The following MTMR2 variants were observed in gnomAD, a reference collection of about 807,000 sequenced individuals.
MTMR2 encodes phosphatidylinositol-3,5-bisphosphate 3-phosphatase MTMR2.
A neutral mutation model predicts 86.9 loss-of-function variants in MTMR2; 55 were observed. The observed-to-expected ratio is 0.63, with a 90% CI of 0.51 to 0.79. The LOEUF (loss-of-function observed/expected upper bound fraction) is 0.79. Among genes scored for constraint, MTMR2 ranks in the 30% least tolerant of loss-of-function variants. The pLI, the probability that MTMR2 is intolerant of heterozygous loss-of-function variation, is 0.00. For synonymous variants in MTMR2, 241 were observed against 266.8 expected (o/e 0.90, Z 0.94); for missense variants, 659 against 772.3 (o/e 0.85, Z 1.74).
At chr11:95,854,849 TC>T (rs1864152277) in intron 7 of MTMR2, among the ~76,000 whole-genome samples, 1 of 150,588 alleles carries the variant, frequency 6.6e-6, no homozygotes, top group African/African-American at 2.4e-5. Context: ...CACTCTGTCA[TC>T]CAGGCTGGAG....
intron 11 of MTMR2, 102 bp downstream of exon 11, chr11:95,844,851 T>C (rs1418899744): frequency 9.3e-7 from 1 of 1,071,234 alleles, no homozygotes; most frequent in Non-Finnish European, 1.4e-6. Flanking sequence ...ACTAGATAAA[T>C]GATCAATTTC....
intron 7 of MTMR2, 49 bp downstream of exon 7, chr11:95,857,503 A>G (rs1258532263): frequency 1.2e-5 from 17 of 1,372,238 alleles, no homozygotes; most frequent in Non-Finnish European, 1.8e-5. Context: ...TTTTCTTTGG[A>G]ATGAAAAGAA....
intron 2 of MTMR2, among the ~76,000 whole-genome samples, chr11:95,885,195 C>T (rs1865473033): frequency 6.6e-6 from 1 of 152,108 alleles, no homozygotes; most frequent in South Asian, 2.1e-4. Context: ...CCTGAAGGGA[C>T]AACTATTCTA....
chr11:95,838,798 A>G (rs1238806055), intron 12 of MTMR2, among the ~76,000 whole-genome samples: 1 of 152,050 alleles, frequency 6.6e-6, no homozygotes, highest in African/African-American at 2.4e-5. Flanking sequence ...ATCTAACAAA[A>G]AGAAAATTCA....
Position 95,835,292 on chromosome 11 carries a change from A to G in MTMR2, c.1930T>C (p.Ter644GlnextTer32). 2 of 1,612,710 alleles carry G rather than the reference A, an allele frequency of 1.2e-6. No homozygotes were observed. The highest frequency in any genetic ancestry group is 1.1e-5 in the South Asian group (1 of 91,048). Residue 644 changes from the stop codon to glutamine, a stop_lost, in exon 15 of 15, where the codon TAA becomes CAA. Coordinates refer to ENST00000346299, the MANE Select transcript of MTMR2 (RefSeq NM_016156.6). ...GATGCCCCTGATCTTACAGTCCTTT[A>G]TACAACAGTTTGGACAGGAGTGACA... ...QCVTPVQTVV[*>Q] is the part of the protein sequence containing the mutation.
chr11:95,867,648 A>G (rs943164102), intron 2 of MTMR2, among the ~76,000 whole-genome samples: 1 of 152,174 alleles, frequency 6.6e-6, no homozygotes, highest in Admixed American at 6.5e-5. Flanking sequence ...GGTTGTATAT[A>G]AACAACTAAT....
At chr11:95,853,600 C>T (rs1590988278) in intron 7 of MTMR2, among the ~76,000 whole-genome samples, 1 of 152,160 alleles carries the variant, frequency 6.6e-6, no homozygotes, top group East Asian at 1.9e-4. Flanking sequence ...CGTCTTTCAG[C>T]TCCCAGATGG....
At position 95,858,523 on chromosome 11, in the gene MTMR2, C is replaced by A. The variant is rs1278559358; in HGVS notation, c.570+8G>T. The A allele has an allele frequency of 6.4e-7, 1 of 1,565,168 alleles. No homozygotes were observed. The highest frequency in any genetic ancestry group is 1.7e-5 in the Admixed American group (1 of 59,796). ...GCACAAATTTTCCAAAGACAGGAAA[C>A]ATTTTACCAGGTTATTAGAGACAGG... On this transcript the variant is annotated splice_region_variant and intron_variant, in intron 6 of 14. Coordinates refer to ENST00000346299, the MANE Select transcript of MTMR2 (RefSeq NM_016156.6).
At chr11:95,856,865 T>A (rs1341428170) in intron 7 of MTMR2, among the ~76,000 whole-genome samples, 2 of 152,220 alleles carry the variant, frequency 1.3e-5, no homozygotes, top group South Asian at 2.1e-4. Flanking sequence ...CTTAGTCATC[T>A]TCTTCTGACA....
chr11:95,877,713 T>C (rs2135522012), intron 2 of MTMR2, among the ~76,000 whole-genome samples: 1 of 152,116 alleles, frequency 6.6e-6, no homozygotes, highest in African/African-American at 2.4e-5. Flanking sequence ...GAATGCCCCA[T>C]GAAGAGGGAA....
chr11:95,859,042 A>G (rs1864310557), intron 5 of MTMR2, among the ~76,000 whole-genome samples: 1 of 152,194 alleles, frequency 6.6e-6, no homozygotes, highest in Non-Finnish European at 1.5e-5. Flanking sequence ...AAACCTGATT[A>G]GTAGTTGTTA....
At chr11:95,915,319 GC>G (rs1866658324) in intron 1 of MTMR2, among the ~76,000 whole-genome samples, 1 of 152,060 alleles carries the variant, frequency 6.6e-6, no homozygotes, top group African/African-American at 2.4e-5. Context: ...CTCATTTGCT[GC>G]TATCAGTAAA....
rs566725232 is a variant in MTMR2 at position 95,919,439 on chromosome 11, C to A, written c.80+4436G>T. On this transcript the variant is annotated intron_variant, in intron 1 of 14. Coordinates refer to ENST00000346299, the MANE Select transcript of MTMR2 (RefSeq NM_016156.6). ...TCATCAATGCTAATGAAATTATATA[C>A]TACAAATTGATAAAACCAAATAATC... 1.5e-4 allele frequency among the ~76,000 whole-genome samples: 23 copies of A among 151,924 alleles called. No individual in the cohort carries two copies. The South Asian group carries it at 4.6e-3, about 30-fold the overall frequency.
intron 1 of MTMR2, among the ~76,000 whole-genome samples, chr11:95,909,463 A>T (rs1231391582): frequency 6.6e-6 from 1 of 152,144 alleles, no homozygotes; most frequent in Non-Finnish European, 1.5e-5. Flanking sequence ...AAAGGCAGAA[A>T]AATCTGTCTC....
intron 1 of MTMR2, among the ~76,000 whole-genome samples, chr11:95,917,133 T>C (rs1866739975): frequency 6.6e-6 from 1 of 152,222 alleles, no homozygotes. Context: ...AATCACTCCC[T>C]ATCCTTGACT....
chr11:95,849,273 G>A (rs1000159667), intron 9 of MTMR2, among the ~76,000 whole-genome samples: 9 of 152,028 alleles, frequency 5.9e-5, no homozygotes, highest in Non-Finnish European at 1.3e-4. Context: ...ACTAGTCACC[G>A]AGAACACTAG....
chr11:95,873,358 T>G (rs1254689), intron 2 of MTMR2, among the ~76,000 whole-genome samples: 1,838 of 152,314 alleles, frequency 0.012, 35 homozygotes, highest in African/African-American at 0.043. Flanking sequence ...GTCGAGGAAT[T>G]TATCCATTTC....
In MTMR2 at chr11:95,923,968, C is replaced by T. The variant is rs1227829402; in HGVS notation, c.-14G>A. 3.9e-6 allele frequency: 6 copies of T among 1,555,362 alleles called. No individual in the cohort carries two copies. The highest frequency in any genetic ancestry group is 3.9e-5 in the Admixed American group (2 of 51,702). ...GCTCTTCTCCATCGCGCGGCAGGGG[C>T]AGCACAGGGAAAGGCTGAAGCAGTC... On this transcript the variant is annotated 5_prime_UTR_variant, in exon 1 of 15. Transcript: ENST00000346299.
intron 5 of MTMR2, among the ~76,000 whole-genome samples, chr11:95,861,402 GTTATTATTA>G (rs149187983): frequency 3.5e-4 from 49 of 140,970 alleles, no homozygotes; most frequent in East Asian, 1.8e-3. Context: ...ATTAAAGATG[GTTATTATTA>G]TTATTATTAT....
Sources: gnomAD v4.1 joint callset for allele counts (sites outside exome capture counted in the v4.1 genomes callset) on GRCh38, gnomAD v4.1.1 for gene constraint, MANE v1.5 for transcripts, NCBI Gene and HGNC (gene_info 2026-07-23, HGNC 2026-07-21) for gene names.